The following MOB1B variants were observed in gnomAD, a reference collection of about 807,000 sequenced individuals.
The protein encoded by MOB1B is MOB kinase activator 1B, also known as MOB1 Mps One Binder homolog B.
In MOB1B, 19 loss-of-function variants were observed where a neutral mutation model predicts 24.4. The ratio of observed to expected loss-of-function variants is 0.78; its 90% CI spans 0.54 to 1.14. The LOEUF (loss-of-function observed/expected upper bound fraction) is 1.14. Among genes scored for constraint, MOB1B ranks in the 50% most tolerant of loss-of-function variants. The probability of loss-of-function intolerance (pLI) is 0.00; values close to 1 mark genes in which losing one functional copy is unlikely to be tolerated. For missense variants in MOB1B, 243 were observed against 259.6 expected (o/e 0.94, Z 0.44); for synonymous variants, 76 against 82.1 (o/e 0.93, Z 0.40).
intron 3 of MOB1B, among the ~76,000 whole-genome samples, chr4:70,973,213 A>AAAATG (rs1335708156): frequency 6.6e-6 from 1 of 152,198 alleles, no homozygotes; most frequent in African/African-American, 2.4e-5. Context: ...GACACATCTG[A>AAAATG]AAATGATTGA....
intron 2 of MOB1B, among the ~76,000 whole-genome samples, chr4:70,968,045 C>T (rs115239733): frequency 0.016 from 2,498 of 152,214 alleles, 67 homozygotes; most frequent in African/African-American, 0.056. Flanking sequence ...TGGGATTTTA[C>T]TGTGTTGCCC....
chr4:70,902,470 T>A lies in MOB1B; in HGVS notation c.-67T>A. ...CTCCTGTTCCATTCGCCTTTCCTCT[T>A]CTTTCCTGGCCCACGCCGCTCCGAG... On this transcript the variant is annotated 5_prime_UTR_variant, in exon 1 of 6. Transcript: ENST00000309395. 6.5e-7 allele frequency: 1 copy of A among 1,534,504 alleles called. No homozygotes were observed. Among genetic ancestry groups the A allele is most frequent in the South Asian group, 1.2e-5 (1 of 83,806 alleles).
intron 1 of MOB1B, among the ~76,000 whole-genome samples, chr4:70,958,510 T>C (rs760874722): frequency 6.6e-6 from 1 of 152,152 alleles, no homozygotes; most frequent in Non-Finnish European, 1.5e-5. Flanking sequence ...TTATGTTTTA[T>C]TGATATCAAA....
At chr4:70,954,527 C>G (rs909539808) in intron 1 of MOB1B, among the ~76,000 whole-genome samples, 14 of 151,818 alleles carry the variant, frequency 9.2e-5, no homozygotes, top group Non-Finnish European at 1.6e-4. Context: ...GCAATCTCGG[C>G]TAACTGCAAC....
intron 1 of MOB1B, among the ~76,000 whole-genome samples, chr4:70,949,618 A>G (rs1055143577): frequency 6.6e-6 from 1 of 152,170 alleles, no homozygotes; most frequent in Admixed American, 6.5e-5. Context: ...TGGTTTGAAG[A>G]TTAAGATGTA....
intron 5 of MOB1B, among the ~76,000 whole-genome samples, chr4:70,981,035 T>C (rs1341866323): frequency 6.6e-6 from 1 of 152,186 alleles, no homozygotes; most frequent in Non-Finnish European, 1.5e-5. Context: ...AGTTTGAATC[T>C]GTTCTCCTGG....
intron 1 of MOB1B, among the ~76,000 whole-genome samples, chr4:70,920,326 T>C (rs1056705444): frequency 2.0e-5 from 3 of 152,066 alleles, no homozygotes; most frequent in Non-Finnish European, 4.4e-5. Flanking sequence ...CCTGGGTTCA[T>C]GTGATCTCCT....
Position 70,920,833 on chromosome 4 carries a change from AAC to A in MOB1B, c.14+18287_14+18288del, listed in dbSNP as rs546819779. On this transcript the variant is annotated intron_variant, in intron 1 of 5. Coordinates refer to ENST00000309395, the MANE Select transcript of MOB1B (RefSeq NM_173468.4). ...AAATTCTATTTACAAGAATATACTC[AAC>A]ACAGTTAAAGTATCAGGAGGCCTAA... 6.6e-4 allele frequency among the ~76,000 whole-genome samples: 101 copies of A among 152,354 alleles called. No homozygotes were observed. In the Middle Eastern group the frequency reaches 0.01, roughly 15 times the overall value.
intron 1 of MOB1B, among the ~76,000 whole-genome samples, chr4:70,910,699 C>A (rs4694357): frequency 0.85 from 129,274 of 152,048 alleles, 56,577 homozygotes; most frequent in Non-Finnish European, 0.96. Flanking sequence ...ATCACAAAAT[C>A]ATGTTAGGAA....
chr4:70,975,888 T>C lies in MOB1B; in HGVS notation c.409+602T>C, dbSNP rs527413445. ...GGTAAACCCTCTATTTTATTTTATTTATTTTAATCTAAATTTTTCATTTTT... is the reference window on the plus strand; with the variant it reads ...GGTAAACCCTCTATTTTATTTTATTCATTTTAATCTAAATTTTTCATTTTT... On this transcript the variant is annotated intron_variant, in intron 4 of 5. Coordinates refer to ENST00000309395, the MANE Select transcript of MOB1B (RefSeq NM_173468.4). 1,197 of 802,672 alleles carry C rather than the reference T, an allele frequency of 1.5e-3. 2 individuals are homozygous for C. Among genetic ancestry groups the C allele is most frequent in the Non-Finnish European group, 1.7e-3 (1,100 of 663,662 alleles). 49.7% of individuals were successfully genotyped at this position (802,672 alleles called of 1,614,324 possible).
At chr4:70,906,353 G>T (rs993634104) in intron 1 of MOB1B, among the ~76,000 whole-genome samples, 2 of 152,174 alleles carry the variant, frequency 1.3e-5, no homozygotes, top group African/African-American at 2.4e-5. Flanking sequence ...CTCCAGCCTG[G>T]ACGACAGAGT....
chr4:70,949,500 G>C (rs780946271), intron 1 of MOB1B, among the ~76,000 whole-genome samples: 17 of 152,182 alleles, frequency 1.1e-4, no homozygotes, highest in Admixed American at 1.1e-3. Context: ...AAGCCAAATG[G>C]CAACATTTGG....
At chr4:70,976,453 G>A (rs1352503395) in intron 4 of MOB1B, 3 of 985,046 alleles carry the variant, frequency 3.0e-6, no homozygotes, top group African/African-American at 3.5e-5. Context: ...CTGTATCATC[G>A]GCTGAGTGAC....
At chr4:70,965,633 T>C (rs1466935582) in intron 2 of MOB1B, among the ~76,000 whole-genome samples, 3 of 150,368 alleles carry the variant, frequency 2.0e-5, no homozygotes, top group Non-Finnish European at 4.4e-5. Context: ...CTGTCTCCAC[T>C]AAAAATACAA....
chr4:70,979,378 A>T (rs1426782177), intron 5 of MOB1B, 87 bp downstream of exon 5: 13 of 1,061,618 alleles, frequency 1.2e-5, no homozygotes, highest in Non-Finnish European at 1.7e-5. Context: ...CACTGTCAGG[A>T]TGGAATTTGC....
intron 1 of MOB1B, among the ~76,000 whole-genome samples, chr4:70,914,707 TTTG>T (rs1736128547): frequency 6.6e-6 from 1 of 152,244 alleles, no homozygotes; most frequent in East Asian, 1.9e-4. Context: ...TATGTTTTTC[TTTG>T]TTGTTGGTAA....
intron 4 of MOB1B, 149 bp from the exon 5 acceptor site, chr4:70,978,978 TC>T: frequency 1.6e-6 from 1 of 618,178 alleles, no homozygotes; most frequent in Non-Finnish European, 2.8e-6. Context: ...GTTGAGAACT[TC>T]TGAAAAGGTA....
intron 1 of MOB1B, 110 bp downstream of exon 1, chr4:70,902,660 T>C: frequency 4.9e-6 from 5 of 1,026,794 alleles, no homozygotes; most frequent in Non-Finnish European, 6.4e-6. Context: ...GGCCCAGCGC[T>C]CCCGGGGCCC....
chr4:70,902,846 C>A (rs1241354314), intron 1 of MOB1B, among the ~76,000 whole-genome samples: 1 of 152,222 alleles, frequency 6.6e-6, no homozygotes, highest in African/African-American at 2.4e-5. Context: ...TCTCTGCCTT[C>A]GCTCGCATTC....
Sources: allele counts gnomAD v4.1 joint callset (sites outside exome capture counted in the v4.1 genomes callset), GRCh38; gene constraint gnomAD v4.1.1; transcripts MANE v1.5; gene names NCBI Gene and HGNC (gene_info 2026-07-23, HGNC 2026-07-21).